AKAP7: variants seen among roughly 807,000 people sequenced by gnomAD.
AKAP7 encodes the protein A kinase (PRKA) anchor protein 7.
AKAP7 carries 39 observed loss-of-function variants against 39.5 expected under a neutral mutation model. The ratio of observed to expected loss-of-function variants is 0.99; its 90% CI spans 0.76 to 1.29. The LOEUF (loss-of-function observed/expected upper bound fraction) is 1.29, where lower values mean the gene tolerates loss of function less well. Ranked by LOEUF, AKAP7 falls within the 50% of genes most tolerant of loss-of-function variation. The pLI, the probability that AKAP7 is intolerant of heterozygous loss-of-function variation, is 0.00. For missense variants in AKAP7, 414 were observed against 407.7 expected, an observed-to-expected ratio of 1.02 and a Z score of -0.13; for synonymous variants, 140 against 139.1, an observed-to-expected ratio of 1.01 and a Z score of -0.05.
intron 5 of AKAP7, among the ~76,000 whole-genome samples, chr6:131,170,986 A>G (rs925633372): frequency 6.6e-6 from 1 of 152,186 alleles, no homozygotes; most frequent in East Asian, 1.9e-4. Flanking sequence ...GAAATTCACT[A>G]TTGCTGTTAT....
At chr6:131,251,036 G>T (rs1812407646) in intron 7 of AKAP7, among the ~76,000 whole-genome samples, 1 of 152,202 alleles carries the variant, frequency 6.6e-6, no homozygotes, top group Non-Finnish European at 1.5e-5. Context: ...AATAGGTAAA[G>T]CTGGTTCTAA....
chr6:131,134,739 A>AG (rs1051836108), upstream of AKAP7, among the ~76,000 whole-genome samples: 3 of 152,178 alleles, frequency 2.0e-5, no homozygotes, highest in African/African-American at 7.2e-5. Context: ...GTGGCTGTGT[A>AG]GGGGTCTTCT....
intron 6 of AKAP7, among the ~76,000 whole-genome samples, chr6:131,214,961 C>A (rs938622780): frequency 6.6e-6 from 1 of 152,070 alleles, no homozygotes; most frequent in Non-Finnish European, 1.5e-5. Flanking sequence ...TGGTAAGTGA[C>A]CTCATTTCTC....
intron 5 of AKAP7, among the ~76,000 whole-genome samples, chr6:131,172,556 G>A (rs1476570319): frequency 6.6e-6 from 1 of 151,888 alleles, no homozygotes; most frequent in African/African-American, 2.4e-5. Flanking sequence ...TTGAACTCTT[G>A]GCCTCAAGCA....
chr6:131,210,535 A>G (rs959877761), intron 6 of AKAP7, among the ~76,000 whole-genome samples: 10 of 152,212 alleles, frequency 6.6e-5, no homozygotes, highest in Non-Finnish European at 1.5e-4. Flanking sequence ...TTGGAGATCC[A>G]TCTTTAAGGC....
At chr6:131,145,515 C>A in intron 2 of AKAP7, 99 bp downstream of exon 2, 1 of 788,948 alleles carries the variant, frequency 1.3e-6, no homozygotes. Flanking sequence ...ACTTTTAATA[C>A]TTATGTTTTT....
chr6:131,256,853 T>C (rs2128323350), intron 7 of AKAP7, among the ~76,000 whole-genome samples: 1 of 152,054 alleles, frequency 6.6e-6, no homozygotes, highest in East Asian at 1.9e-4. Flanking sequence ...GATTTGCATT[T>C]TAATAAGACC....
intron 7 of AKAP7, among the ~76,000 whole-genome samples, chr6:131,276,871 ATGGTTTC>A (rs1298879719): frequency 6.6e-6 from 1 of 152,028 alleles, no homozygotes; most frequent in Non-Finnish European, 1.5e-5. Context: ...AGGGTGTGTG[ATGGTTTC>A]TGGAGCCCTT....
chr6:131,232,338 A>T (rs1159693364), intron 7 of AKAP7, among the ~76,000 whole-genome samples: 1 of 152,202 alleles, frequency 6.6e-6, no homozygotes, highest in African/African-American at 2.4e-5. Context: ...AAATAAAACC[A>T]TGTGAATGAA....
chr6:131,247,424 C>G (rs1585171870), intron 7 of AKAP7, among the ~76,000 whole-genome samples: 1 of 149,118 alleles, frequency 6.7e-6, no homozygotes, highest in Non-Finnish European at 1.5e-5. Flanking sequence ...CTCCCAGGCT[C>G]AAGTGATTCT....
chr6:131,186,077 G>A (rs1331596813), intron 5 of AKAP7, among the ~76,000 whole-genome samples: 2 of 152,178 alleles, frequency 1.3e-5, no homozygotes, highest in Non-Finnish European at 2.9e-5. Flanking sequence ...AAAGACTGCT[G>A]ATGTAGTTTG....
At chr6:131,265,814 T>G (rs1293925881) in intron 7 of AKAP7, among the ~76,000 whole-genome samples, 1 of 152,152 alleles carries the variant, frequency 6.6e-6, no homozygotes, top group Non-Finnish European at 1.5e-5. Context: ...CTGACTCTTG[T>G]TTGTAAAGGA....
At chr6:131,186,870 G>T (rs1228295168) in intron 5 of AKAP7, among the ~76,000 whole-genome samples, 1 of 152,162 alleles carries the variant, frequency 6.6e-6, no homozygotes, top group Non-Finnish European at 1.5e-5. Context: ...TTACCTTGGG[G>T]ATTAGGTCTC....
chr6:131,278,014 ATTAAAT>A (rs1190414424), intron 7 of AKAP7, among the ~76,000 whole-genome samples: 10 of 152,178 alleles, frequency 6.6e-5, no homozygotes, highest in Admixed American at 6.5e-4. Context: ...TAAATTTAGT[ATTAAAT>A]TTAAATTTCT....
intron 6 of AKAP7, among the ~76,000 whole-genome samples, chr6:131,215,563 G>A (rs987965637): frequency 6.6e-6 from 1 of 152,210 alleles, no homozygotes; most frequent in African/African-American, 2.4e-5. Context: ...CAGGAGGATG[G>A]TGAAAATGAA....
intron 2 of AKAP7, among the ~76,000 whole-genome samples, chr6:131,154,686 C>CA (rs1802260432): frequency 6.6e-6 from 1 of 151,656 alleles, no homozygotes; most frequent in African/African-American, 2.4e-5. Flanking sequence ...CTTACTATAC[C>CA]AAAAAATACT....
chr6:131,210,073 G>A (rs1276537040), intron 6 of AKAP7, among the ~76,000 whole-genome samples: 1 of 152,212 alleles, frequency 6.6e-6, no homozygotes. Flanking sequence ...TAACTGCATA[G>A]TGAAAGAAGG....
chr6:131,251,145 G>T (rs1489644238), intron 7 of AKAP7, among the ~76,000 whole-genome samples: 1 of 152,170 alleles, frequency 6.6e-6, no homozygotes, highest in Non-Finnish European at 1.5e-5. Context: ...AACAAGTGAT[G>T]CCGCTTTGCT....
chr6:131,192,968 T>C (rs2128274801), intron 5 of AKAP7, among the ~76,000 whole-genome samples: 1 of 152,314 alleles, frequency 6.6e-6, no homozygotes, highest in South Asian at 2.1e-4. Flanking sequence ...TCACCAGTTC[T>C]AATAGTTTTT....
Sources: allele counts gnomAD v4.1 joint callset (sites outside exome capture counted in the v4.1 genomes callset), GRCh38; gene constraint gnomAD v4.1.1; transcripts MANE v1.5; gene names NCBI Gene and HGNC (gene_info 2026-07-23, HGNC 2026-07-21).